AOAH: variants seen among roughly 807,000 people sequenced by gnomAD.
The protein encoded by AOAH is acyloxyacyl hydrolase (neutrophil).
A neutral mutation model predicts 92.2 loss-of-function variants in AOAH; 64 were observed. The observed-to-expected ratio is 0.69, with a 90% CI of 0.57 to 0.86. The LOEUF is 0.86. Ranked by LOEUF, AOAH falls within the 40% of genes least tolerant of loss-of-function variation. The pLI, the probability that AOAH is intolerant of heterozygous loss-of-function variation, is 0.00. For synonymous variants in AOAH, 263 were observed against 254.5 expected (o/e 1.03, Z -0.32); for missense variants, 656 against 694.6 (o/e 0.94, Z 0.62).
At chr7:36,681,384 G>C (rs762691156) in intron 2 of AOAH, among the ~76,000 whole-genome samples, 5 of 152,058 alleles carry the variant, frequency 3.3e-5, no homozygotes, top group Non-Finnish European at 7.4e-5. Flanking sequence ...AACATGTATA[G>C]ATCTTAAAAT....
chr7:36,636,314 T>C (rs1793522488), intron 5 of AOAH, among the ~76,000 whole-genome samples: 1 of 152,216 alleles, frequency 6.6e-6, no homozygotes, highest in Non-Finnish European at 1.5e-5. Context: ...GAGTAATTGT[T>C]GGAATCCTGC....
At chr7:36,657,894 G>A (rs1794985823) in intron 4 of AOAH, among the ~76,000 whole-genome samples, 1 of 152,184 alleles carries the variant, frequency 6.6e-6, no homozygotes, top group African/African-American at 2.4e-5. Context: ...ATGTGTAGCT[G>A]TGGGTGTAAT....
At chr7:36,561,460 C>T (rs1787261079) in intron 13 of AOAH, among the ~76,000 whole-genome samples, 1 of 152,138 alleles carries the variant, frequency 6.6e-6, no homozygotes, top group Non-Finnish European at 1.5e-5. Flanking sequence ...ACACTGAGTC[C>T]TCAGTACAAG....
At chr7:36,679,049 C>A (rs906499708) in intron 2 of AOAH, among the ~76,000 whole-genome samples, 1 of 152,024 alleles carries the variant, frequency 6.6e-6, no homozygotes, top group Admixed American at 6.6e-5. Context: ...TGTGGCTATT[C>A]CAAAGGACAA....
intron 1 of AOAH, 70 bp from the exon 2 acceptor site, chr7:36,686,864 A>C: frequency 1.0e-6 from 1 of 985,022 alleles, no homozygotes; most frequent in Non-Finnish European, 1.4e-6. Context: ...AGGAGAAAGA[A>C]AGGATGCGTG....
At chr7:36,537,675 C>T (rs371569385) in intron 16 of AOAH, among the ~76,000 whole-genome samples, 36 of 152,192 alleles carry the variant, frequency 2.4e-4, no homozygotes, top group Middle Eastern at 3.4e-3. Context: ...CCTGCCACCA[C>T]GCCCAGCTAA....
intron 15 of AOAH, among the ~76,000 whole-genome samples, chr7:36,542,977 A>G (rs1156322319): frequency 6.6e-6 from 1 of 152,068 alleles, no homozygotes; most frequent in East Asian, 1.9e-4. Flanking sequence ...GTTGACTACA[A>G]CAATACTTTT....
intron 3 of AOAH, among the ~76,000 whole-genome samples, chr7:36,667,587 A>G (rs1165034246): frequency 1.3e-5 from 2 of 152,166 alleles, no homozygotes; most frequent in East Asian, 3.8e-4. Context: ...CAGATAAGGG[A>G]AGATTACCAT....
chr7:36,603,657 G>A (rs761884385), intron 11 of AOAH, among the ~76,000 whole-genome samples: 3 of 152,160 alleles, frequency 2.0e-5, no homozygotes, highest in Non-Finnish European at 2.9e-5. Flanking sequence ...GTAAGTGAAC[G>A]GGCATCGCTG....
At chr7:36,711,912 C>T (rs1020945583) in intron 1 of AOAH, among the ~76,000 whole-genome samples, 10 of 152,108 alleles carry the variant, frequency 6.6e-5, no homozygotes, top group Non-Finnish European at 1.0e-4. Context: ...ATCAGAGTGA[C>T]GGGTAAGTCC....
intron 13 of AOAH, among the ~76,000 whole-genome samples, chr7:36,573,019 C>T (rs1788240593): frequency 6.6e-6 from 1 of 152,206 alleles, no homozygotes; most frequent in Non-Finnish European, 1.5e-5. Context: ...CCCCATTTTA[C>T]AGATGCAGAA....
chr7:36,678,796 A>G (rs1796465557), intron 2 of AOAH, among the ~76,000 whole-genome samples: 1 of 152,194 alleles, frequency 6.6e-6, no homozygotes. Context: ...GCAATCCGTA[A>G]GGGTACAAAG....
At chr7:36,607,356 G>C (rs1791083791) in intron 11 of AOAH, among the ~76,000 whole-genome samples, 1 of 152,218 alleles carries the variant, frequency 6.6e-6, no homozygotes, top group African/African-American at 2.4e-5. Flanking sequence ...CAAAGGAATG[G>C]AACGAAACAT....
chr7:36,718,258 T>A (rs1190344201), intron 1 of AOAH, among the ~76,000 whole-genome samples: 1 of 152,092 alleles, frequency 6.6e-6, no homozygotes, highest in Non-Finnish European at 1.5e-5. Flanking sequence ...AAAAATGAGA[T>A]CTCACTCCAC....
chr7:36,680,948 C>G (rs550030372), intron 2 of AOAH, among the ~76,000 whole-genome samples: 2 of 152,236 alleles, frequency 1.3e-5, no homozygotes, highest in African/African-American at 4.8e-5. Flanking sequence ...TCAGAAGAAG[C>G]TAAGATGGTA....
intron 4 of AOAH, among the ~76,000 whole-genome samples, chr7:36,645,397 G>A (rs1218035600): frequency 6.6e-6 from 1 of 152,214 alleles, no homozygotes; most frequent in Non-Finnish European, 1.5e-5. Context: ...ATACATTTCT[G>A]TGGTTTGTAA....
chr7:36,632,599 C>T (rs571152176), intron 5 of AOAH, among the ~76,000 whole-genome samples: 7 of 152,154 alleles, frequency 4.6e-5, no homozygotes, highest in African/African-American at 9.7e-5. Context: ...TTCTAGACAG[C>T]GATTTCTATG....
intron 4 of AOAH, among the ~76,000 whole-genome samples, chr7:36,645,305 T>C (rs1794156300): frequency 6.6e-6 from 1 of 152,192 alleles, no homozygotes; most frequent in African/African-American, 2.4e-5. Flanking sequence ...CAAAGCGGTC[T>C]GCAGCCAAGA....
chr7:36,626,993 C>T (rs1792709003), intron 6 of AOAH, among the ~76,000 whole-genome samples: 1 of 152,210 alleles, frequency 6.6e-6, no homozygotes, highest in African/African-American at 2.4e-5. Context: ...GAACTTGATA[C>T]CTTATGTATC....
Sources: allele counts gnomAD v4.1 joint callset (sites outside exome capture counted in the v4.1 genomes callset), GRCh38; gene constraint gnomAD v4.1.1; transcripts MANE v1.5; gene names NCBI Gene and HGNC (gene_info 2026-07-23, HGNC 2026-07-21).